Variants in MACROD2 observed in about 807,000 individuals in gnomAD.
MACROD2 encodes ADP-ribose glycohydrolase MACROD2.
Under a neutral mutation model 70.4 loss-of-function variants are expected in MACROD2, and 36 were observed. The ratio of observed to expected loss-of-function variants is 0.51; its 90% confidence interval spans 0.39 to 0.68. MACROD2 has a LOEUF of 0.68. Among genes scored for constraint, MACROD2 ranks in the 30% least tolerant of loss-of-function variants. The pLI, the probability that MACROD2 is intolerant of heterozygous loss-of-function variation, is 0.00. For missense variants in MACROD2, 496 were observed against 538.4 expected (o/e 0.92, Z 0.78); for synonymous variants, 172 against 178.8 (o/e 0.96, Z 0.30).
intron 6 of MACROD2, among the ~76,000 whole-genome samples, chr20:15,241,061 C>CTGTTTGTGT (rs1160302081): frequency 6.6e-6 from 1 of 152,174 alleles, no homozygotes; most frequent in Admixed American, 6.5e-5. Flanking sequence ...ACTATTCTCT[C>CTGTTTGTGT]TGTTTGTGTA....
At chr20:15,564,866 TTGAG>T (rs2048095094) in intron 8 of MACROD2, among the ~76,000 whole-genome samples, 1 of 152,196 alleles carries the variant, frequency 6.6e-6, no homozygotes. Context: ...TTTTAAATAA[TTGAG>T]TGTTTCCTAT....
chr20:14,659,681 G>A (rs1986135753), intron 4 of MACROD2, among the ~76,000 whole-genome samples: 1 of 152,144 alleles, frequency 6.6e-6, no homozygotes, highest in South Asian at 2.1e-4. Context: ...AACAAATGCT[G>A]GGTGGCATGC....
chr20:14,541,377 A>G (rs2085429857), intron 4 of MACROD2, among the ~76,000 whole-genome samples: 1 of 152,032 alleles, frequency 6.6e-6, no homozygotes, highest in African/African-American at 2.4e-5. Context: ...ATCTCCCTTC[A>G]GAGTCCATCT....
intron 15 of MACROD2, among the ~76,000 whole-genome samples, chr20:16,004,331 G>A (rs2066757426): frequency 6.6e-6 from 1 of 152,204 alleles, no homozygotes; most frequent in African/African-American, 2.4e-5. Context: ...GCCTAGGTTA[G>A]AAGAGTACAG....
intron 5 of MACROD2, among the ~76,000 whole-genome samples, chr20:14,784,712 C>T (rs1242157377): frequency 7.8e-6 from 1 of 128,902 alleles, no homozygotes; most frequent in Non-Finnish European, 1.6e-5. Flanking sequence ...ATAGGGAAAA[C>T]ATACACTTGA....
At chr20:15,237,916 A>G (rs2077028291) in intron 6 of MACROD2, among the ~76,000 whole-genome samples, 1 of 152,216 alleles carries the variant, frequency 6.6e-6, no homozygotes, top group South Asian at 2.1e-4. Flanking sequence ...GCAGAGAGTG[A>G]CAGCAAGGGT....
chr20:16,004,729 T>A (rs1897746456), intron 15 of MACROD2, among the ~76,000 whole-genome samples: 2 of 152,226 alleles, frequency 1.3e-5, no homozygotes, highest in Admixed American at 1.3e-4. Context: ...CTTACAGTGT[T>A]AGCAGCTTAA....
At chr20:14,439,570 G>A (rs1427173224) in intron 3 of MACROD2, among the ~76,000 whole-genome samples, 1 of 152,076 alleles carries the variant, frequency 6.6e-6, no homozygotes, top group Non-Finnish European at 1.5e-5. Context: ...ATGGATCATA[G>A]GCTCCAGAAC....
chr20:15,210,552 GTT>G (rs11333280), intron 5 of MACROD2, among the ~76,000 whole-genome samples: 11,209 of 121,608 alleles, frequency 0.092, 519 homozygotes, highest in Admixed American at 0.13. Flanking sequence ...CTTTTCTTCT[GTT>G]TTTTTTTTTT....
Position 14,893,297 on chromosome 20 carries a change from C to T in MACROD2, c.418+208338C>T, listed in dbSNP as rs565063859. On this transcript the variant is annotated intron_variant, in intron 5 of 17. Transcript: ENST00000684519. The stretch of plus-strand genomic sequence containing the variant: ...TCTCTTGGAGACCCTGCTATCAATT[C>T]TTTTCATTATACGCCCAGAAGTGGA... The T allele has an allele frequency of 3.3e-5, 5 of 152,212 alleles. No individual in the cohort carries two copies. The South Asian group carries it at 1.0e-3, about 32-fold the overall frequency. 9.4% of individuals were successfully genotyped at this position (152,212 alleles called of 1,614,324 possible).
rs146506536 is a variant in MACROD2, at chr20:15,708,646, T to G, written c.646-154099T>G. 6.4e-4 allele frequency among the ~76,000 whole-genome samples: 82 copies of G among 128,806 alleles called. 2 individuals carry two copies. Among genetic ancestry groups the G allele is most frequent in the Middle Eastern group, 4.9e-3 (1 of 206 alleles). The allele number at this position is 128,806 out of a possible 152,430, so 84.5% of individuals were successfully genotyped here. ...TTTCAGCACTTTGGGAGCGAGGCAG[T>G]AGGATTGCTTAAGGCCAGGAGTTCA... On this transcript the variant is annotated intron_variant, in intron 8 of 17. Coordinates refer to ENST00000684519, the MANE Select transcript of MACROD2 (RefSeq NM_001351661.2).
intron 5 of MACROD2, among the ~76,000 whole-genome samples, chr20:15,190,776 C>CAAGG (rs1363140142): frequency 6.6e-6 from 1 of 152,090 alleles, no homozygotes; most frequent in East Asian, 1.9e-4. Flanking sequence ...AAAAGCCAGG[C>CAAGG]AAGGCAGGAT....
intron 5 of MACROD2, among the ~76,000 whole-genome samples, chr20:14,983,597 T>A (rs1364242210): frequency 2.6e-5 from 4 of 152,166 alleles, no homozygotes; most frequent in Non-Finnish European, 5.9e-5. Context: ...GCACAAGCTC[T>A]CTTCTCTTGT....
chr20:14,557,318 T>G (rs934650728), intron 4 of MACROD2, among the ~76,000 whole-genome samples: 7 of 151,842 alleles, frequency 4.6e-5, no homozygotes, highest in Non-Finnish European at 8.8e-5. Flanking sequence ...CGCAATGAAT[T>G]CTTAGATATG....
chr20:14,329,830 C>T (rs2082801270), intron 3 of MACROD2, among the ~76,000 whole-genome samples: 2 of 151,770 alleles, frequency 1.3e-5, no homozygotes, highest in Admixed American at 1.3e-4. Flanking sequence ...TGCTTAGTGC[C>T]CTGTTTGATT....
chr20:14,917,691 A>G (rs1338841599), intron 5 of MACROD2, among the ~76,000 whole-genome samples: 1 of 152,182 alleles, frequency 6.6e-6, no homozygotes, highest in Non-Finnish European at 1.5e-5. Flanking sequence ...GAGAACCAGG[A>G]CAGACATCCA....
intron 9 of MACROD2, among the ~76,000 whole-genome samples, chr20:15,884,725 T>C (rs73101694): frequency 0.024 from 3,692 of 152,208 alleles, 65 homozygotes; most frequent in Non-Finnish European, 0.041. Context: ...GATTTGGCGC[T>C]AGCTGATATT....
rs552503669 is a variant in MACROD2 at position 14,960,989 on chromosome 20, G to A, written c.419-268951G>A. Among the ~76,000 whole-genome samples, 30 of 152,228 alleles carry A rather than the reference G, an allele frequency of 2.0e-4. No homozygotes were observed. In the East Asian group the frequency reaches 5.2e-3, roughly 26 times the overall value. On this transcript the variant is annotated intron_variant, in intron 5 of 17. Transcript: ENST00000684519. ...GTGCTAGTCTTGCTAAAACTGCTGA[G>A]TTTCATTTCACACTAATAACACCTG... is the stretch of plus-strand genomic sequence containing the variant.
chr20:14,319,821 C>T (rs1427474739), intron 3 of MACROD2, among the ~76,000 whole-genome samples: 1 of 152,096 alleles, frequency 6.6e-6, no homozygotes, highest in Non-Finnish European at 1.5e-5. Context: ...TCTTCTTCTT[C>T]CCCTGCTACA....
Sources: allele counts gnomAD v4.1 joint callset (sites outside exome capture counted in the v4.1 genomes callset), GRCh38; gene constraint gnomAD v4.1.1; transcripts MANE v1.5; gene names NCBI Gene and HGNC (gene_info 2026-07-23, HGNC 2026-07-21).